The following TRAPPC13 variants were observed in gnomAD, a reference collection of about 807,000 sequenced individuals.
The protein encoded by TRAPPC13 is REV7-interacting novel NHEJ regulator 1.
A neutral mutation model predicts 54.0 loss-of-function variants in TRAPPC13; 39 were observed. The ratio of observed to expected loss-of-function variants is 0.72; its 90% CI spans 0.56 to 0.94. The LOEUF is 0.94. TRAPPC13 is among the 40% of genes least tolerant of loss of function. The pLI is 0.00. For synonymous variants in TRAPPC13, 148 were observed against 167.7 expected, an observed-to-expected ratio of 0.88 and a Z score of 0.91; for missense variants, 386 against 488.1, an observed-to-expected ratio of 0.79 and a Z score of 1.97.
rs541877316 is a variant in TRAPPC13 at position 65,658,422 on chromosome 5, T to C, written c.619T>C (p.Phe207Leu). The change falls in exon 9 of 13, where the codon TTT becomes CTT. Residue 207 changes from phenylalanine (F) to leucine (L), a missense_variant. Phe to Leu is a conservative substitution (Grantham distance 22). Transcript: ENST00000399438. Reference sequence around the variant, plus strand: ...TCAGAATATGACAACCTCACCTATGTTTATGGAGAAGGTTTCACTGGAGCC... The same window carrying C: ...TCAGAATATGACAACCTCACCTATGCTTATGGAGAAGGTTTCACTGGAGCC... Reference protein sequence around the residue: ...QIQNMTTSPMFMEKVSLEPSI... With the variant: ...QIQNMTTSPMLMEKVSLEPSI... 1.1e-5 allele frequency: 18 copies of C among 1,596,564 alleles called. No homozygotes were observed. In the African/African-American group the frequency reaches 2.4e-4, roughly 21 times the overall value.
Position 65,656,656 on chromosome 5 carries a change from T to TC in TRAPPC13, c.564+1004dup, listed in dbSNP as rs556386401. Among the ~76,000 whole-genome samples, 1,520 of 152,100 alleles carry TC rather than the reference T, an allele frequency of 1.0e-2. 26 individuals carry two copies. The highest frequency in any genetic ancestry group is 0.035 in the African/African-American group (1,459 of 41,486). On this transcript the variant is annotated intron_variant, in intron 8 of 12. Transcript: ENST00000399438. The stretch of plus-strand genomic sequence containing the variant: ...GGCGCGGTGGCTCATGCCTGTAATC[T>TC]CAGCACTTTGGGAGGCCGAGGCGAG...
intron 9 of TRAPPC13, 79 bp downstream of exon 9, chr5:65,658,580 GT>G (rs925207592): frequency 1.7e-4 from 212 of 1,223,350 alleles, no homozygotes; most frequent in South Asian, 3.1e-4. Flanking sequence ...TCTTCAGTGG[GT>G]TTTTTTTTAA....
chr5:65,629,907 C>A (rs1581206075), intron 1 of TRAPPC13: 2 of 1,536,096 alleles, frequency 1.3e-6, no homozygotes, highest in East Asian at 4.9e-5. Context: ...TGGTCACACA[C>A]ACTGAAGGAA....
At chr5:65,626,299 CCT>C (rs905209779) in intron 1 of TRAPPC13, 2 of 152,194 alleles carry the variant, frequency 1.3e-5, no homozygotes, top group African/African-American at 4.8e-5. Flanking sequence ...GCAAGGCCTG[CCT>C]CTCTTTCCAA....
At chr5:65,637,324 T>C (rs1755784121) in intron 3 of TRAPPC13, among the ~76,000 whole-genome samples, 1 of 152,204 alleles carries the variant, frequency 6.6e-6, no homozygotes, top group Admixed American at 6.5e-5. Context: ...TTAGTGATTC[T>C]CAAACAGATT....
rs762929434 is a variant in TRAPPC13, at chr5:65,651,842, G to GTT, written c.502-622_502-621dup. 7.1e-4 allele frequency among the ~76,000 whole-genome samples: 29 copies of GTT among 41,134 alleles called. 5 individuals are homozygous for GTT. Among genetic ancestry groups the GTT allele is most frequent in the East Asian group, 2.8e-3 (3 of 1,058 alleles). 27.0% of individuals were successfully genotyped at this position (41,134 alleles called of 152,430 possible). On this transcript the variant is annotated intron_variant, in intron 6 of 12. Transcript: ENST00000399438. ...TTGAAAGAAAATAAAACGTGATTCA[G>GTT]TTTTTTTTTTTTTTTTTTTTTTTTT...
chr5:65,658,278 A>G (rs1756721239), intron 8 of TRAPPC13, 90 bp from the exon 9 acceptor site: 3 of 1,307,572 alleles, frequency 2.3e-6, no homozygotes, highest in African/African-American at 3.0e-5. Context: ...TGTGGTTAAT[A>G]TTTTTTCTTC....
At chr5:65,657,229 A>G (rs1183475982) in intron 8 of TRAPPC13, among the ~76,000 whole-genome samples, 1 of 151,196 alleles carries the variant, frequency 6.6e-6, no homozygotes, top group Non-Finnish European at 1.5e-5. Context: ...TAAAAATACA[A>G]AAATTAGCTC....
In TRAPPC13 at chr5:65,637,732, C is replaced by T. The variant is rs993256120; in HGVS notation, c.252C>T (p.Ile84=). 6.4e-7 allele frequency: 1 copy of T among 1,573,748 alleles called. No individual in the cohort carries two copies. Among genetic ancestry groups the T allele is most frequent in the Non-Finnish European group, 8.7e-7 (1 of 1,155,254 alleles). The change falls in exon 4 of 13, where the codon ATC becomes ATT. Residue 84 remains isoleucine (I), a synonymous_variant. Coordinates refer to ENST00000399438, the MANE Select transcript of TRAPPC13 (RefSeq NM_024941.4). ...TGGGAGAGACCTTTTCCAGTTATAT[C>T]AGCGTTCATAATGATAGCAATCAAG... ...IFLGETFSSY[I]SVHNDSNQVV...
chr5:65,649,262 A>G (rs997639595), intron 5 of TRAPPC13, among the ~76,000 whole-genome samples: 6 of 152,120 alleles, frequency 3.9e-5, no homozygotes, highest in African/African-American at 1.4e-4. Flanking sequence ...ACACAATTGT[A>G]CAGTGTTTTT....
intron 8 of TRAPPC13, among the ~76,000 whole-genome samples, chr5:65,656,168 A>G (rs1756644928): frequency 6.6e-6 from 1 of 152,248 alleles, no homozygotes; most frequent in South Asian, 2.1e-4. Flanking sequence ...TACAATAAGC[A>G]GCATTTGCTT....
chr5:65,634,478 A>G (rs1755672732), intron 1 of TRAPPC13, among the ~76,000 whole-genome samples: 1 of 152,194 alleles, frequency 6.6e-6, no homozygotes, highest in Non-Finnish European at 1.5e-5. Flanking sequence ...GTTTCTCTAA[A>G]TAAACTTTAG....
At chr5:65,648,780 C>A (rs1370654043) in intron 5 of TRAPPC13, among the ~76,000 whole-genome samples, 1 of 152,094 alleles carries the variant, frequency 6.6e-6, no homozygotes, top group Admixed American at 6.5e-5. Flanking sequence ...TAATATATTT[C>A]TTTCCAGTCT....
At chr5:65,651,922 G>A (rs1756472490) in intron 6 of TRAPPC13, among the ~76,000 whole-genome samples, 1 of 117,190 alleles carries the variant, frequency 8.5e-6, no homozygotes, top group African/African-American at 3.2e-5. Context: ...GGAGTGCAAT[G>A]ACGCGATCTC....
intron 5 of TRAPPC13, 38 bp from the exon 6 acceptor site, chr5:65,650,772 A>G (rs1464597062): frequency 6.4e-7 from 1 of 1,555,464 alleles, no homozygotes; most frequent in African/African-American, 1.4e-5. Context: ...TTAAAATTAA[A>G]AATGACTCAG....
chr5:65,657,083 G>A (rs1756683854), intron 8 of TRAPPC13, among the ~76,000 whole-genome samples: 1 of 150,696 alleles, frequency 6.6e-6, no homozygotes, highest in South Asian at 2.1e-4. Context: ...TCTTGTGGGG[G>A]TTGGGGGAAG....
chr5:65,652,726 A>G (rs1275721104), intron 7 of TRAPPC13, 181 bp downstream of exon 7: 1 of 659,862 alleles, frequency 1.5e-6, no homozygotes, highest in African/African-American at 1.8e-5. Context: ...AATCTTTTTC[A>G]GCTTACATGG....
intron 1 of TRAPPC13, chr5:65,630,171 A>G: frequency 6.5e-7 from 1 of 1,536,030 alleles, no homozygotes; most frequent in Non-Finnish European, 8.7e-7. Context: ...ATTAGGCACA[A>G]TGAACTTCCA....
intron 1 of TRAPPC13, chr5:65,630,531 C>T (rs1163207501): frequency 2.3e-6 from 3 of 1,278,962 alleles, no homozygotes; most frequent in Non-Finnish European, 3.0e-6. Context: ...TTATTGTTTA[C>T]ACTGAATTTG....
Sources: allele counts gnomAD v4.1 joint callset (sites outside exome capture counted in the v4.1 genomes callset), GRCh38; gene constraint gnomAD v4.1.1; transcripts MANE v1.5; gene names NCBI Gene and HGNC (gene_info 2026-07-23, HGNC 2026-07-21).